Variants in CCDC60 observed in about 807,000 individuals in gnomAD.
The protein encoded by CCDC60 is coiled-coil domain containing 60.
Under a neutral mutation model 63.5 loss-of-function variants are expected in CCDC60, and 54 were observed. The ratio of observed to expected loss-of-function variants is 0.85; its 90% CI spans 0.68 to 1.07. The LOEUF (loss-of-function observed/expected upper bound fraction) is 1.07. CCDC60 is among the 50% of genes least tolerant of loss of function. CCDC60 has a pLI of 0.00. For synonymous variants in CCDC60, 206 were observed against 238.8 expected (o/e 0.86, Z 1.27); for missense variants, 651 against 684.3 (o/e 0.95, Z 0.54).
At chr12:119,510,698 C>A (rs572742230) in intron 7 of CCDC60, among the ~76,000 whole-genome samples, 1 of 152,172 alleles carries the variant, frequency 6.6e-6, no homozygotes, top group Non-Finnish European at 1.5e-5. Flanking sequence ...CTACTTCCCC[C>A]ACTTTCTTCT....
chr12:119,485,082 G>A (rs1951404193), intron 4 of CCDC60, among the ~76,000 whole-genome samples: 1 of 152,222 alleles, frequency 6.6e-6, no homozygotes, highest in South Asian at 2.1e-4. Context: ...AGAAGGAAGA[G>A]GAGCAGGAAT....
At chr12:119,443,282 A>G (rs971957556) in intron 2 of CCDC60, among the ~76,000 whole-genome samples, 2 of 152,042 alleles carry the variant, frequency 1.3e-5, no homozygotes, top group African/African-American at 4.8e-5. Context: ...GGAAACTTCT[A>G]TTTTTCCTGA....
intron 4 of CCDC60, among the ~76,000 whole-genome samples, chr12:119,482,145 CACACACACACACAT>C (rs1566034193): frequency 7.2e-6 from 1 of 139,440 alleles, no homozygotes; most frequent in African/African-American, 2.6e-5. Context: ...CATATATATA[CACACACACACACAT>C]ACACACACAC....
intron 13 of CCDC60, among the ~76,000 whole-genome samples, chr12:119,531,684 AG>A (rs1952846627): frequency 6.6e-6 from 1 of 152,172 alleles, no homozygotes; most frequent in Non-Finnish European, 1.5e-5. Context: ...GCACTCAGTG[AG>A]TATGGAAGGA....
chr12:119,472,061 A>G lies in CCDC60; in HGVS notation c.238A>G (p.Lys80Glu), dbSNP rs1951072968. 1.2e-6 allele frequency: 2 copies of G among 1,614,158 alleles called. No homozygotes were observed. The highest frequency in any genetic ancestry group is 1.7e-6 in the Non-Finnish European group (2 of 1,179,980). Reference protein sequence around the residue: ...FAILREETAKKKKQQQLQKLK... With the variant: ...FAILREETAKEKKQQQLQKLK... ...TATTCTGAGGGAAGAGACTGCAAAG[A>G]AAAAGAAGCAACAACAACTTCAGAA... Residue 80 changes from lysine (K) to glutamate (E), a missense_variant, in exon 3 of 14, where the codon AAA becomes GAA. Coordinates refer to ENST00000327554, the MANE Select transcript of CCDC60 (RefSeq NM_178499.5).
intron 1 of CCDC60, among the ~76,000 whole-genome samples, chr12:119,343,998 ATT>A (rs1645925503): frequency 6.6e-6 from 1 of 152,126 alleles, no homozygotes; most frequent in Admixed American, 6.6e-5. Context: ...GGGTTGTCAA[ATT>A]AGGGAGGACT....
intron 5 of CCDC60, among the ~76,000 whole-genome samples, 188 bp from the exon 6 acceptor site, chr12:119,499,890 C>T (rs1411640750): frequency 1.1e-4 from 16 of 152,112 alleles, no homozygotes; most frequent in Non-Finnish European, 1.5e-4. Context: ...CTCCAAACCT[C>T]GATTTCACTC....
intron 1 of CCDC60, among the ~76,000 whole-genome samples, chr12:119,384,519 C>G (rs1956040517): frequency 2.0e-5 from 3 of 152,190 alleles, no homozygotes; most frequent in African/African-American, 4.8e-5. Context: ...GACAGCAGAT[C>G]AAGGCTGAAA....
rs753618585 is a variant in CCDC60, at chr12:119,456,001, G to GAGAA, written c.171-15934_171-15931dup. ...AGGGAGAGAGAAAGAGAGAGAGAAA[G>GAGAA]AGAAAGAAAGAAAGAAAGAAAGAAA... On this transcript the variant is annotated intron_variant, in intron 2 of 13. Coordinates refer to ENST00000327554, the MANE Select transcript of CCDC60 (RefSeq NM_178499.5). The surrounding 1 kb of genome is among the most constrained non-coding windows in gnomAD (Gnocchi z 4.6). Among the ~76,000 whole-genome samples the GAGAA allele has an allele frequency of 0.02, 1,034 of 50,912 alleles. 13 individuals are homozygous for GAGAA. The highest frequency in any genetic ancestry group is 0.027 in the Non-Finnish European group (798 of 29,252). 33.4% of individuals were successfully genotyped at this position (50,912 alleles called of 152,430 possible).
intron 2 of CCDC60, among the ~76,000 whole-genome samples, chr12:119,442,382 G>A (rs1483033924): frequency 6.6e-6 from 1 of 152,176 alleles, no homozygotes; most frequent in Non-Finnish European, 1.5e-5. Context: ...GAGGCAGAGA[G>A]GGGGTGGATC....
rs1359185199 is a variant in CCDC60, at chr12:119,478,685, G to A, written c.342-409G>A. ...TGCAATGGCACGATCTCAGCTCACT[G>A]CAACCTCTGCCTCCCGGGTTCAAGA... On this transcript the variant is annotated intron_variant, in intron 3 of 13. Coordinates refer to ENST00000327554, the MANE Select transcript of CCDC60 (RefSeq NM_178499.5). Among the ~76,000 whole-genome samples the A allele has an allele frequency of 2.2e-5, 3 of 136,820 alleles. No homozygotes were observed. The Admixed American group carries it at 2.5e-4, about 12-fold the overall frequency. 89.8% of individuals were successfully genotyped at this position (136,820 alleles called of 152,430 possible). A position where few individuals can be genotyped will look rare whatever the true frequency, so the allele number is the denominator to read the frequency against.
intron 1 of CCDC60, among the ~76,000 whole-genome samples, chr12:119,349,057 A>G (rs1955626910): frequency 6.6e-6 from 1 of 152,166 alleles, no homozygotes; most frequent in South Asian, 2.1e-4. Context: ...CATTTTACAG[A>G]TGAGGAAGCC....
At chr12:119,413,004 T>C (rs534857979) in intron 1 of CCDC60, among the ~76,000 whole-genome samples, 19 of 152,204 alleles carry the variant, frequency 1.2e-4, no homozygotes, top group Non-Finnish European at 1.6e-4. Flanking sequence ...AGGTTCACGA[T>C]ACAGAATAGA....
chr12:119,349,852 C>T (rs1387363724), intron 1 of CCDC60, among the ~76,000 whole-genome samples: 3 of 152,188 alleles, frequency 2.0e-5, no homozygotes, highest in Non-Finnish European at 4.4e-5. Context: ...CTTTGCCTCT[C>T]ATTACTCCCT....
Position 119,456,060 on chromosome 12 carries a change from A to AAGCAAGCAAGC in CCDC60, c.171-15933_171-15932insGCAAGCAAGCA, listed in dbSNP as rs1566019638. On this transcript the variant is annotated intron_variant, in intron 2 of 13. Coordinates refer to ENST00000327554, the MANE Select transcript of CCDC60 (RefSeq NM_178499.5). This position sits in a 1 kb window ranked among gnomAD's most constrained non-coding sequence, Gnocchi z 4.6. ...GAAAGAAAGAAAGAAAGAAAGAAAG[A>AAGCAAGCAAGC]AAGCAAGCAAGCATGTGCAATTTCA... Among the ~76,000 whole-genome samples, 704 of 118,866 alleles carry AAGCAAGCAAGC rather than the reference A, an allele frequency of 5.9e-3. 25 individuals are homozygous for AAGCAAGCAAGC. The highest frequency in any genetic ancestry group is 0.032 in the East Asian group (116 of 3,656). The allele number at this position is 118,866 out of a possible 152,430, so 78.0% of individuals were successfully genotyped here.
chr12:119,466,572 GC>G lies in CCDC60; in HGVS notation c.171-5419del, dbSNP rs1166076100. 3.3e-5 allele frequency among the ~76,000 whole-genome samples: 5 copies of G among 152,252 alleles called. No individual in the cohort carries two copies. In the East Asian group the frequency reaches 7.7e-4, roughly 24 times the overall value. On this transcript the variant is annotated intron_variant, in intron 2 of 13. Transcript: ENST00000327554. ...CTCACCCACCACACCATTCCCTTCT[GC>G]CCTATATCTGGGCAAGTTGATAAGA... is the stretch of plus-strand genomic sequence containing the variant.
chr12:119,472,227 GC>G, intron 3 of CCDC60, 63 bp downstream of exon 3: 1 of 1,502,628 alleles, frequency 6.7e-7, no homozygotes, highest in Admixed American at 1.7e-5. Context: ...AGTGAACCCT[GC>G]CTGGTAAGGT....
Position 119,523,706 on chromosome 12 carries a change from G to A in CCDC60, c.1117G>A (p.Asp373Asn). 1 of 1,614,106 alleles carries A rather than the reference G, an allele frequency of 6.2e-7. No homozygotes were observed. Among genetic ancestry groups the A allele is most frequent in the Non-Finnish European group, 8.5e-7 (1 of 1,179,980 alleles). The change falls in exon 11 of 14, where the codon GAC becomes AAC. Residue 373 changes from aspartate (D) to asparagine (N), a missense_variant. Transcript: ENST00000327554. ...CTGTGTCCACAGCCGCACTAATTGTGACATCAACATCCACTACAAGAGTGG... is the reference window on the plus strand; with the variant it reads ...CTGTGTCCACAGCCGCACTAATTGTAACATCAACATCCACTACAAGAGTGG... ...QKKSKNRTNC[D>N]INIHYKSGVC...
At chr12:119,347,689 A>G (rs146876789) in intron 1 of CCDC60, among the ~76,000 whole-genome samples, 126 of 152,340 alleles carry the variant, frequency 8.3e-4, no homozygotes, top group Non-Finnish European at 1.5e-3. Context: ...TTCCCAGTAC[A>G]TGCTGGGTGC....
Sources: allele counts gnomAD v4.1 joint callset (sites outside exome capture counted in the v4.1 genomes callset), GRCh38; gene constraint gnomAD v4.1.1; non-coding constraint Gnocchi (gnomAD v3.1); transcripts MANE v1.5; gene names NCBI Gene and HGNC (gene_info 2026-07-23, HGNC 2026-07-21).